Variants in CLIP1 observed in about 807,000 individuals in gnomAD.
CLIP1 encodes CAP-Gly domain-containing linker protein 1.
CLIP1 carries 66 observed loss-of-function variants against 161.6 expected under a neutral mutation model. The observed-to-expected ratio is 0.41, with a 90% confidence interval of 0.33 to 0.50. CLIP1 has a LOEUF of 0.50. Ranked by LOEUF, CLIP1 falls within the 20% of genes least tolerant of loss-of-function variation. The probability of loss-of-function intolerance (pLI) is 0.27; values close to 1 mark genes in which losing one functional copy is unlikely to be tolerated. For missense variants in CLIP1, 1,376 were observed against 1,702.0 expected (o/e 0.81, Z 3.37); for synonymous variants, 598 against 626.2 (o/e 0.96, Z 0.67).
intron 5 of CLIP1, among the ~76,000 whole-genome samples, chr12:122,358,455 A>G (rs1267181316): frequency 1.8e-5 from 1 of 57,030 alleles, no homozygotes; most frequent in Non-Finnish European, 3.3e-5. Context: ...AAAAAGAAAA[A>G]AGAAAAAAAA....
At chr12:122,393,511 T>A (rs61954427) in intron 1 of CLIP1, among the ~76,000 whole-genome samples, 19,822 of 152,176 alleles carry the variant, frequency 0.13, 1,664 homozygotes, top group East Asian at 0.45. Flanking sequence ...GATGGCTCAT[T>A]TCTACAAAGC....
intron 1 of CLIP1, among the ~76,000 whole-genome samples, chr12:122,389,036 T>C (rs535670285): frequency 6.6e-6 from 1 of 152,314 alleles, no homozygotes; most frequent in African/African-American, 2.4e-5. Context: ...GGGGTCCCCT[T>C]TGCTTCGAAT....
At chr12:122,385,530 G>C (rs1955218552) in intron 1 of CLIP1, among the ~76,000 whole-genome samples, 1 of 152,194 alleles carries the variant, frequency 6.6e-6, no homozygotes, top group Non-Finnish European at 1.5e-5. Flanking sequence ...GTGGTGGTTA[G>C]AGTGAGAAGA....
intron 9 of CLIP1, among the ~76,000 whole-genome samples, chr12:122,347,826 T>C (rs768913278): frequency 1.2e-4 from 19 of 152,202 alleles, no homozygotes; most frequent in Non-Finnish European, 2.4e-4. Flanking sequence ...TATCCCTCCC[T>C]CTAAACTATC....
At chr12:122,418,109 TTTTG>T (rs1405176990) in intron 1 of CLIP1, among the ~76,000 whole-genome samples, 1 of 152,114 alleles carries the variant, frequency 6.6e-6, no homozygotes, top group East Asian at 1.9e-4. Context: ...TAAATTTACT[TTTTG>T]TTTATTGTCT....
At chr12:122,370,513 A>T (rs968550644) in intron 3 of CLIP1, among the ~76,000 whole-genome samples, 5 of 152,164 alleles carry the variant, frequency 3.3e-5, no homozygotes, top group African/African-American at 1.2e-4. Flanking sequence ...AAACAGTCCC[A>T]GTTACTTTAT....
At chr12:122,329,617 G>A (rs555330430) in intron 15 of CLIP1, among the ~76,000 whole-genome samples, 6 of 149,514 alleles carry the variant, frequency 4.0e-5, no homozygotes, top group East Asian at 2.0e-4. Flanking sequence ...GCGACAGAGC[G>A]AGACTCTGTC....
At chr12:122,292,763 G>C (rs992422963) in intron 20 of CLIP1, among the ~76,000 whole-genome samples, 1 of 152,156 alleles carries the variant, frequency 6.6e-6, no homozygotes, top group Non-Finnish European at 1.5e-5. Flanking sequence ...CAGCACTTTG[G>C]GAGGCCGAGG....
chr12:122,278,099 A>C (rs1955504357), intron 24 of CLIP1, 55 bp downstream of exon 24: 1 of 1,503,580 alleles, frequency 6.7e-7, no homozygotes, highest in Non-Finnish European at 9.1e-7. Flanking sequence ...AAACGAAAAG[A>C]TTCAATGATT....
chr12:122,287,657 A>G (rs1056766340), intron 21 of CLIP1, among the ~76,000 whole-genome samples: 6 of 152,198 alleles, frequency 3.9e-5, no homozygotes, highest in Admixed American at 2.6e-4. Flanking sequence ...TGAAGCTTCT[A>G]CACAATTATT....
rs1555271015 is a variant in CLIP1, at chr12:122,355,405, A to G, written c.1006-93T>C. On this transcript the variant is annotated intron_variant, in intron 5 of 25. Coordinates refer to ENST00000620786, the MANE Select transcript of CLIP1 (RefSeq NM_001247997.2). The surrounding 1 kb of genome is among the most constrained non-coding windows in gnomAD (Gnocchi z 4.1). ...TGCATGGCGGGCATCTGCTCGGCAA[A>G]GCAAGGGCGCTGCTCCAGCTGGCAG... 5.2e-6 allele frequency: 6 copies of G among 1,164,818 alleles called. No homozygotes were observed. The East Asian group carries it at 9.7e-5, about 19-fold the overall frequency. 72.2% of individuals were successfully genotyped at this position (1,164,818 alleles called of 1,614,324 possible). A position where few individuals can be genotyped will look rare whatever the true frequency, so the allele number is the denominator to read the frequency against.
At chr12:122,356,726 G>A (rs1051168163) in intron 5 of CLIP1, among the ~76,000 whole-genome samples, 1 of 145,502 alleles carries the variant, frequency 6.9e-6, no homozygotes, top group Non-Finnish European at 1.5e-5. Context: ...TCGGCTCACT[G>A]CAGCCTCCCT....
intron 1 of CLIP1, among the ~76,000 whole-genome samples, chr12:122,382,630 C>T (rs919171037): frequency 6.6e-6 from 1 of 151,990 alleles, no homozygotes; most frequent in Non-Finnish European, 1.5e-5. Flanking sequence ...TGGCTGAACC[C>T]AGGAGGCAGA....
chr12:122,383,345 C>T (rs1043971193), intron 1 of CLIP1, among the ~76,000 whole-genome samples: 3 of 152,208 alleles, frequency 2.0e-5, no homozygotes, highest in Admixed American at 6.5e-5. Flanking sequence ...ATTTTGAAAA[C>T]GGCCACAAGA....
intron 2 of CLIP1, among the ~76,000 whole-genome samples, chr12:122,379,822 T>G (rs1213657890): frequency 6.6e-6 from 1 of 150,856 alleles, no homozygotes; most frequent in East Asian, 2.0e-4. Context: ...CATGTGTCTG[T>G]AATCCCAGCT....
At chr12:122,321,576 T>C (rs1363148038) in intron 17 of CLIP1, among the ~76,000 whole-genome samples, 1 of 152,076 alleles carries the variant, frequency 6.6e-6, no homozygotes, top group Non-Finnish European at 1.5e-5. Flanking sequence ...TGGAGTGCAA[T>C]GGCATGATCT....
In CLIP1 at chr12:122,336,722, C is replaced by G. The variant is rs773264545; in HGVS notation, c.2478G>C (p.Gln826His). Reference sequence around the variant, plus strand: ...GGTTAGTAAGCTTTAGCTCTCTCCCCTGGAGCTCTCTGGTAATGCTACTAG... The same window carrying G: ...GGTTAGTAAGCTTTAGCTCTCTCCCGTGGAGCTCTCTGGTAATGCTACTAG... ...SKASSITRELQGRELKLTNLQ... is the reference protein window; with the variant it reads ...SKASSITRELHGRELKLTNLQ... The change falls in exon 12 of 26, where the codon CAG becomes CAC. Residue 826 changes from glutamine (Q) to histidine (H), a missense_variant. By Grantham distance (24) the Gln-to-His change is conservative (BLOSUM62 0). Coordinates refer to ENST00000620786, the MANE Select transcript of CLIP1 (RefSeq NM_001247997.2). 1.2e-6 allele frequency: 2 copies of G among 1,604,362 alleles called. No individual in the cohort carries two copies. The highest frequency in any genetic ancestry group is 2.7e-5 in the African/African-American group (2 of 74,844).
chr12:122,329,865 C>T (rs932510647), intron 15 of CLIP1, among the ~76,000 whole-genome samples: 21 of 152,058 alleles, frequency 1.4e-4, no homozygotes, highest in Middle Eastern at 3.2e-3. Context: ...CGCCTGTAAT[C>T]CCTGCACTTT....
At chr12:122,294,103 C>A (rs1290819085) in intron 20 of CLIP1, among the ~76,000 whole-genome samples, 7 of 150,158 alleles carry the variant, frequency 4.7e-5, no homozygotes, top group Admixed American at 2.0e-4. Flanking sequence ...CCGAGGCGGG[C>A]GGATCACAAG....
Sources: allele counts gnomAD v4.1 joint callset (sites outside exome capture counted in the v4.1 genomes callset), GRCh38; gene constraint gnomAD v4.1.1; non-coding constraint Gnocchi (gnomAD v3.1); transcripts MANE v1.5; gene names NCBI Gene and HGNC (gene_info 2026-07-23, HGNC 2026-07-21).